STX8: variants seen among roughly 807,000 people sequenced by gnomAD.
The protein encoded by STX8 is syntaxin 8.
Under a neutral mutation model 37.5 loss-of-function variants are expected in STX8, and 23 were observed. That is an observed-to-expected ratio of 0.61 (90% confidence interval 0.44 to 0.87). STX8 has a LOEUF of 0.87. Among genes scored for constraint, STX8 ranks in the 40% least tolerant of loss-of-function variants. STX8 has a pLI of 0.00. For synonymous variants in STX8, 115 were observed against 99.1 expected (o/e 1.16, Z -0.95); for missense variants, 313 against 284.7 (o/e 1.10, Z -0.71).
At chr17:9,364,263 G>A (rs1911154214) in intron 7 of STX8, among the ~76,000 whole-genome samples, 1 of 152,106 alleles carries the variant, frequency 6.6e-6, no homozygotes, top group Non-Finnish European at 1.5e-5. Context: ...ATTCATCAAA[G>A]TGCCACAGTA....
chr17:9,483,655 C>T (rs1014594041), intron 6 of STX8, among the ~76,000 whole-genome samples: 2 of 152,070 alleles, frequency 1.3e-5, no homozygotes, highest in African/African-American at 2.4e-5. Flanking sequence ...TTTTTGGAGG[C>T]GCAGAGTCGT....
intron 7 of STX8, among the ~76,000 whole-genome samples, chr17:9,306,623 T>C (rs781136205): frequency 1.4e-5 from 2 of 143,084 alleles, no homozygotes; most frequent in Non-Finnish European, 3.0e-5. Context: ...AAAATAGCCA[T>C]GCGTGGTGGT....
At chr17:9,558,543 G>A (rs1186369095) in intron 2 of STX8, among the ~76,000 whole-genome samples, 1 of 152,168 alleles carries the variant, frequency 6.6e-6, no homozygotes, top group Non-Finnish European at 1.5e-5. Flanking sequence ...TACACTCAAA[G>A]AGAAAAGAGC....
At chr17:9,523,985 T>C (rs1905462938) in intron 4 of STX8, among the ~76,000 whole-genome samples, 1 of 152,228 alleles carries the variant, frequency 6.6e-6, no homozygotes, top group Non-Finnish European at 1.5e-5. Flanking sequence ...CCTTACTGTT[T>C]ATTATACCAA....
intron 6 of STX8, among the ~76,000 whole-genome samples, chr17:9,430,309 C>A (rs1412878599): frequency 6.8e-6 from 1 of 146,284 alleles, no homozygotes; most frequent in African/African-American, 2.5e-5. Context: ...TAACCACCAC[C>A]ACTTATCTAT....
chr17:9,384,857 A>T (rs549346677), intron 6 of STX8, among the ~76,000 whole-genome samples: 1 of 150,938 alleles, frequency 6.6e-6, no homozygotes, highest in South Asian at 2.1e-4. Flanking sequence ...TCAACAAAGG[A>T]AAGAAAATTC....
At chr17:9,343,036 A>G (rs1910423532) in intron 7 of STX8, among the ~76,000 whole-genome samples, 1 of 151,770 alleles carries the variant, frequency 6.6e-6, no homozygotes, top group South Asian at 2.1e-4. Context: ...AAAAAAAAAA[A>G]AAAAAAAGCT....
chr17:9,281,057 G>A (rs974298260), intron 7 of STX8, among the ~76,000 whole-genome samples: 13 of 152,084 alleles, frequency 8.5e-5, no homozygotes, highest in African/African-American at 2.4e-4. Flanking sequence ...AGGTTTCAGC[G>A]GGAAGAAGTA....
intron 3 of STX8, among the ~76,000 whole-genome samples, chr17:9,552,021 C>A (rs1906783533): frequency 6.6e-6 from 1 of 151,764 alleles, no homozygotes; most frequent in Admixed American, 6.6e-5. Context: ...GATTTTAACA[C>A]CAAAAACTAG....
At chr17:9,428,356 T>G (rs1913715883) in intron 6 of STX8, among the ~76,000 whole-genome samples, 1 of 152,190 alleles carries the variant, frequency 6.6e-6, no homozygotes, top group Non-Finnish European at 1.5e-5. Flanking sequence ...TTCTCCTGCC[T>G]CAGCCTCCCG....
intron 6 of STX8, among the ~76,000 whole-genome samples, chr17:9,392,833 G>T (rs1029763717): frequency 2.6e-5 from 4 of 152,154 alleles, no homozygotes; most frequent in Non-Finnish European, 4.4e-5. Context: ...CAATAAAAAT[G>T]AATAGAGCCT....
chr17:9,494,054 C>G (rs1045893588), intron 5 of STX8, among the ~76,000 whole-genome samples: 1 of 150,634 alleles, frequency 6.6e-6, no homozygotes, highest in South Asian at 2.1e-4. Flanking sequence ...CTCACTCTGT[C>G]GCCCAGGCTG....
intron 5 of STX8, among the ~76,000 whole-genome samples, chr17:9,504,141 T>C (rs62066195): frequency 0.17 from 25,126 of 152,092 alleles, 2,216 homozygotes; most frequent in South Asian, 0.24. Flanking sequence ...ATTCCATTTA[T>C]GTAAAATAAG....
chr17:9,518,464 A>G (rs1279675824), intron 4 of STX8, among the ~76,000 whole-genome samples: 1 of 151,872 alleles, frequency 6.6e-6, no homozygotes, highest in African/African-American at 2.4e-5. Context: ...CTCTTCCCCC[A>G]TCTGCCTCTG....
intron 3 of STX8, 84 bp downstream of exon 3, chr17:9,557,350 G>T: frequency 1.7e-6 from 2 of 1,151,610 alleles, no homozygotes; most frequent in Non-Finnish European, 2.5e-6. Context: ...GGAAAATCTG[G>T]GTGGCCCAGA....
chr17:9,469,812 G>A (rs1426422896), intron 6 of STX8: 1 of 152,208 alleles, frequency 6.6e-6, no homozygotes, highest in Non-Finnish European at 1.5e-5. Flanking sequence ...CGAGCTAGGA[G>A]TGAATCCAGA....
At chr17:9,406,992 G>A (rs1241765869) in intron 6 of STX8, among the ~76,000 whole-genome samples, 1 of 152,094 alleles carries the variant, frequency 6.6e-6, no homozygotes, top group Non-Finnish European at 1.5e-5. Context: ...AATTCTGATT[G>A]TTCATACTAT....
intron 4 of STX8, among the ~76,000 whole-genome samples, chr17:9,518,656 TAGG>T (rs1192788043): frequency 2.0e-5 from 3 of 151,774 alleles, no homozygotes; most frequent in African/African-American, 7.3e-5. Context: ...ATCACGAGGT[TAGG>T]AGTTCAAGAC....
At chr17:9,470,261 C>A (rs1905794132) in intron 6 of STX8, among the ~76,000 whole-genome samples, 1 of 152,224 alleles carries the variant, frequency 6.6e-6, no homozygotes, top group African/African-American at 2.4e-5. Context: ...CCTTCCAGTT[C>A]AAGCTCCTTT....
Sources: gnomAD v4.1 joint callset for allele counts (sites outside exome capture counted in the v4.1 genomes callset) on GRCh38, gnomAD v4.1.1 for gene constraint, MANE v1.5 for transcripts, NCBI Gene and HGNC (gene_info 2026-07-23, HGNC 2026-07-21) for gene names.